Variants in PLXNB3 observed in about 807,000 individuals in gnomAD.
PLXNB3 encodes the protein plexin-B3.
In PLXNB3, 80 loss-of-function variants were observed where a neutral mutation model predicts 125.7. That is an observed-to-expected ratio of 0.64 (90% confidence interval 0.53 to 0.77). PLXNB3 has a LOEUF of 0.77. Among genes scored for constraint, PLXNB3 ranks in the 30% least tolerant of loss-of-function variants. The pLI is 0.00. For synonymous variants in PLXNB3, 954 were observed against 783.3 expected (o/e 1.22, Z -3.64); for missense variants, 1,836 against 1,729.3 (o/e 1.06, Z -1.09).
In PLXNB3 at chrX:153,779,104, GAGCC is replaced by G; in HGVS notation, c.*71_*74del. ...CGCAGCGCCTTATGACCCCGGAACC[GAGCC>G]AGCCACTGAGGGGAGCTGGCAGAGC... is the stretch of plus-strand genomic sequence containing the variant. On this transcript the variant is annotated 3_prime_UTR_variant, in exon 36 of 36. Transcript: ENST00000361971. The G allele has an allele frequency of 1.2e-6, 1 of 837,353 alleles. No homozygotes were observed. Among genetic ancestry groups the G allele is most frequent in the East Asian group, 3.6e-5 (1 of 27,715 alleles). The allele number at this position is 837,353 out of a possible 1,213,427, so 69.0% of individuals were successfully genotyped here.
intron 2 of PLXNB3, chrX:153,766,432 A>C: frequency 9.3e-7 from 1 of 1,074,733 alleles, no homozygotes; most frequent in Non-Finnish European, 1.2e-6. Context: ...GCGCGCTGTG[A>C]CACAGCTTCC....
At position 153,765,537 on chromosome X, in the gene PLXNB3, T is replaced by TG. The variant is rs1569541588; in HGVS notation, c.3dup (p.Cys2_?1). 1 of 1,195,287 alleles carries TG rather than the reference T, an allele frequency of 8.4e-7. No individual in the cohort carries two copies. The highest frequency in any genetic ancestry group is 3.0e-5 in the East Asian group (1 of 33,132). ...CCCTGGGGCAGCTGAACTGAGCGTA[T>TG]GTGCCACGCCGCCCAGGAGACCCCT... On this transcript the variant is annotated frameshift_variant and start_lost, in exon 2 of 36. Coordinates refer to ENST00000361971, the MANE Select transcript of PLXNB3 (RefSeq NM_005393.3). LOFTEE classifies it high-confidence loss of function.
chrX:153,774,125 G>A (rs781890985), intron 20 of PLXNB3, 27 bp downstream of exon 20: 64 of 1,194,964 alleles, frequency 5.4e-5, no homozygotes, highest in African/African-American at 1.6e-4. Context: ...ACCCTGCCCC[G>A]CCACGGTGCT....
At chrX:153,771,251 G>C (rs2091926241) in intron 12 of PLXNB3, 59 bp from the exon 13 acceptor site, 1 of 1,018,832 alleles carries the variant, frequency 9.8e-7, no homozygotes, top group African/African-American at 1.8e-5. Context: ...GCCCAGAGGA[G>C]ACAAGAGTCA....
chrX:153,776,169 G>A lies in PLXNB3; in HGVS notation c.4684G>A (p.Gly1562Ser), dbSNP rs368893732. 5 of 1,193,808 alleles carry A rather than the reference G, an allele frequency of 4.2e-6. No homozygotes were observed. In the African/African-American group the frequency reaches 5.3e-5, roughly 13 times the overall value. The part of the protein sequence containing the change: ...KEKVLDQVYK[G>S]TPFSQRPSVH... ...GAAGGTGTTGGACCAAGTCTACAAGGGCACCCCCTTCTCCCAGAGGCCCTC... is the reference window on the plus strand; with the variant it reads ...GAAGGTGTTGGACCAAGTCTACAAGAGCACCCCCTTCTCCCAGAGGCCCTC... Residue 1562 changes from glycine to serine, a missense_variant, in exon 27 of 36, where the codon GGC becomes AGC. Physicochemically the swap from Gly to Ser is moderately conservative, Grantham distance 56. Coordinates refer to ENST00000361971, the MANE Select transcript of PLXNB3 (RefSeq NM_005393.3).
At position 153,777,981 on chromosome X, in the gene PLXNB3, G is replaced by A; in HGVS notation, c.5295G>A (p.Lys1765=). ...TGCGGTTCTGGGTGAATGCCTTGAA[G>A]AACCCACAGCTCATCTTTGATGTAC... ...LLLRFWVNAL[K]NPQLIFDVRV... is the part of the protein sequence containing the mutation. The change falls in exon 32 of 36, where the codon AAG becomes AAA. Residue 1765 remains lysine, a synonymous_variant. Coordinates refer to ENST00000361971, the MANE Select transcript of PLXNB3 (RefSeq NM_005393.3). The A allele has an allele frequency of 8.3e-7, 1 of 1,211,353 alleles. No homozygotes were observed. The highest frequency in any genetic ancestry group is 1.1e-6 in the Non-Finnish European group (1 of 895,163).
At position 153,767,374 on chromosome X, in the gene PLXNB3, C is replaced by A. The variant is rs1170093749; in HGVS notation, c.547C>A (p.Arg183=). The A allele has an allele frequency of 1.7e-6, 2 of 1,189,934 alleles. No individual in the cohort carries two copies. Among genetic ancestry groups the A allele is most frequent in the African/African-American group, 3.5e-5 (2 of 57,084 alleles). The change falls in exon 3 of 36, where the codon CGG becomes AGG. Residue 183 remains arginine (R), a synonymous_variant. Coordinates refer to ENST00000361971, the MANE Select transcript of PLXNB3 (RefSeq NM_005393.3). Reference sequence around the variant, plus strand: ...GGGGCTGGTGGTGCCCTTGCCCGGCCGGGACCTCCTGCTTGTGGCCAGAGG... The same window carrying A: ...GGGGCTGGTGGTGCCCTTGCCCGGCAGGGACCTCCTGCTTGTGGCCAGAGG... ...TVGLVVPLPG[R]DLLLVARGLA... is the part of the protein sequence containing the mutation.
chrX:153,777,284 A>G lies in PLXNB3; in HGVS notation c.5004A>G (p.Glu1668=). The part of the protein sequence containing the change: ...WHLVKATEEP[E]GAKVRCSSLR... Reference sequence around the variant, plus strand: ...TGGTGAAAGCCACCGAGGAGCCAGAAGGGGCCAAGGTGCGGTGCAGCAGCC... The same window carrying G: ...TGGTGAAAGCCACCGAGGAGCCAGAGGGGGCCAAGGTGCGGTGCAGCAGCC... Residue 1668 remains glutamate, a synonymous_variant, in exon 30 of 36, where the codon GAA becomes GAG. Coordinates refer to ENST00000361971, the MANE Select transcript of PLXNB3 (RefSeq NM_005393.3). The G allele has an allele frequency of 8.3e-7, 1 of 1,202,593 alleles. No homozygotes were observed. Among genetic ancestry groups the G allele is most frequent in the East Asian group, 3.0e-5 (1 of 33,529 alleles).
chrX:153,776,120 G>A lies in PLXNB3; in HGVS notation c.4635G>A (p.Thr1545=), dbSNP rs782121269. ...MQRVPARVLD[T]DTITQVKEKV... Reference sequence around the variant, plus strand: ...GCGTGCCAGCCCGGGTGCTCGACACGGACACCATCACCCAGGTCAAGGAGA... The same window carrying A: ...GCGTGCCAGCCCGGGTGCTCGACACAGACACCATCACCCAGGTCAAGGAGA... The change falls in exon 27 of 36, where the codon ACG becomes ACA. Residue 1545 remains threonine (T), a synonymous_variant. Transcript: ENST00000361971. 1.2e-4 allele frequency: 143 copies of A among 1,202,479 alleles called. No individual in the cohort carries two copies. Among genetic ancestry groups the A allele is most frequent in the Non-Finnish European group, 1.6e-4 (139 of 892,002 alleles).
At chrX:153,775,508 C>A in intron 25 of PLXNB3, 86 bp from the exon 26 acceptor site, 1 of 1,145,108 alleles carries the variant, frequency 8.7e-7, no homozygotes, top group South Asian at 1.9e-5. Context: ...GGCCAGGAAG[C>A]CCCAGCAGGT....
rs2091877160 is a variant in PLXNB3 at position 153,767,913 on chromosome X, T to G, written c.1086T>G (p.Leu362=). The G allele has an allele frequency of 1.7e-5, 19 of 1,087,875 alleles. No homozygotes were observed. Among genetic ancestry groups the G allele is most frequent in the Non-Finnish European group, 2.3e-5 (19 of 837,969 alleles). 89.7% of individuals were successfully genotyped at this position (1,087,875 alleles called of 1,213,427 possible). The change falls in exon 3 of 36, where the codon CTT becomes CTG. Residue 362 remains leucine (L), a splice_region_variant and synonymous_variant. Coordinates refer to ENST00000361971, the MANE Select transcript of PLXNB3 (RefSeq NM_005393.3). ...GVTSRCVTLP[L]DSPESYPCGD... ...CGTCGCGCTGCGTCACCCTGCCCCT[T>G]GTGAGTGGCATGCCCTTCCATCCCC...
intron 35 of PLXNB3, 43 bp downstream of exon 35, chrX:153,778,717 G>T: frequency 8.7e-7 from 1 of 1,149,616 alleles, no homozygotes; most frequent in Non-Finnish European, 1.2e-6. Flanking sequence ...AGTGGAGCGG[G>T]AGGCCCGTGG....
chrX:153,767,406 G>T lies in PLXNB3; in HGVS notation c.579G>T (p.Ala193=). 1 of 1,184,492 alleles carries T rather than the reference G, an allele frequency of 8.4e-7. No individual in the cohort carries two copies. The highest frequency in any genetic ancestry group is 1.9e-5 in the South Asian group (1 of 53,079). Residue 193 remains alanine (A), a synonymous_variant, in exon 3 of 36, where the codon GCG becomes GCT. Coordinates refer to ENST00000361971, the MANE Select transcript of PLXNB3 (RefSeq NM_005393.3). Reference sequence around the variant, plus strand: ...TCCTGCTTGTGGCCAGAGGCCTGGCGGGCAAGCTGTCGGCAGGGGTGCCAC... The same window carrying T: ...TCCTGCTTGTGGCCAGAGGCCTGGCTGGCAAGCTGTCGGCAGGGGTGCCAC... The part of the protein sequence containing the change: ...RDLLLVARGL[A]GKLSAGVPPL...
At chrX:153,764,608 G>C (rs781955725) in intron 1 of PLXNB3, among the ~76,000 whole-genome samples, 14 of 113,071 alleles carry the variant, frequency 1.2e-4, no homozygotes, top group African/African-American at 3.8e-4. Flanking sequence ...CCACCCAACT[G>C]GCCCAGCCAG....
intron 15 of PLXNB3, 24 bp from the exon 16 acceptor site, chrX:153,772,158 A>G (rs1557062222): frequency 1.1e-6 from 1 of 939,184 alleles, no homozygotes; most frequent in Non-Finnish European, 1.3e-6. Context: ...AGCCCTGAGC[A>G]GCTCCCAGGC....
rs375875993 is a variant in PLXNB3, at chrX:153,775,890, G to A, written c.4405G>A (p.Val1469Met). The change falls in exon 27 of 36, where the codon GTG (valine) becomes ATG (methionine). Residue 1469 changes from valine to methionine, a missense_variant. Physicochemically the swap from Val to Met is conservative, Grantham distance 21. Transcript: ENST00000361971. Reference protein sequence around the residue: ...SICLYAFLREVAGEPLYMLFR... With the variant: ...SICLYAFLREMAGEPLYMLFR... ...CCGGCTCATCTTGGCAGTGCAGGAG[G>A]TGGCTGGTGAACCACTGTACATGCT... 7.5e-6 allele frequency: 9 copies of A among 1,203,758 alleles called. No individual in the cohort carries two copies. The highest frequency in any genetic ancestry group is 5.2e-5 in the African/African-American group (3 of 57,492).
intron 29 of PLXNB3, 61 bp from the exon 30 acceptor site, chrX:153,777,147 C>T (rs1184590207): frequency 1.3e-5 from 14 of 1,091,224 alleles, no homozygotes; most frequent in Non-Finnish European, 1.7e-5. Context: ...GGGGAGTGGA[C>T]TGGGCATCCC....
rs1557060939 is a variant in PLXNB3 at position 153,769,874 on chromosome X, G to A, written c.1564G>A (p.Asp522Asn). Residue 522 changes from aspartate to asparagine, a missense_variant, in exon 7 of 36, where the codon GAC becomes AAC. Transcript: ENST00000361971. ...CCAGTGGCTGTGGAGTTATGAGGAGGACAGCCACTGCCTGCACATCCAGAG... is the reference window on the plus strand; with the variant it reads ...CCAGTGGCTGTGGAGTTATGAGGAGAACAGCCACTGCCTGCACATCCAGAG... ...LNQWLWSYEE[D>N]SHCLHIQSLL... 8 of 1,207,422 alleles carry A rather than the reference G, an allele frequency of 6.6e-6. No individual in the cohort carries two copies. Among genetic ancestry groups the A allele is most frequent in the East Asian group, 3.0e-5 (1 of 33,757 alleles).
At position 153,767,596 on chromosome X, in the gene PLXNB3, G is replaced by C. The variant is rs1557059784; in HGVS notation, c.769G>C (p.Ala257Pro). 8.4e-7 allele frequency: 1 copy of C among 1,185,264 alleles called. No homozygotes were observed. The highest frequency in any genetic ancestry group is 3.0e-5 in the East Asian group (1 of 32,888). The change falls in exon 3 of 36, where the codon GCT (alanine) becomes CCT (proline). Residue 257 changes from alanine (A) to proline (P), a missense_variant. Physicochemically the swap from Ala to Pro is conservative, Grantham distance 27. Transcript: ENST00000361971. ...CCGCCGCCGCGGGGCCCGGGCCCAG[G>C]CTGAGTACCGCTCCTACGTGGCCCG... ...VFRRRGARAQ[A>P]EYRSYVARVC...
Sources: allele counts gnomAD v4.1 joint callset (sites outside exome capture counted in the v4.1 genomes callset), GRCh38; gene constraint gnomAD v4.1.1; transcripts MANE v1.5; gene names NCBI Gene and HGNC (gene_info 2026-07-23, HGNC 2026-07-21).